Variants in ADCY2 observed in about 807,000 individuals in gnomAD.
The protein encoded by ADCY2 is adenylate cyclase type 2.
In ADCY2, 31 loss-of-function variants were observed where a neutral mutation model predicts 125.2. That is an observed-to-expected ratio of 0.25 (90% CI 0.19 to 0.33). The LOEUF is 0.33. Among genes scored for constraint, ADCY2 ranks in the 10% least tolerant of loss-of-function variants. The pLI, the probability that ADCY2 is intolerant of heterozygous loss-of-function variation, is 1.00. For missense variants in ADCY2, 904 were observed against 1,418.2 expected, an observed-to-expected ratio of 0.64 and a Z score of 5.82; for synonymous variants, 512 against 548.4, an observed-to-expected ratio of 0.93 and a Z score of 0.93.
chr5:7,595,867 A>G (rs1328011565), intron 3 of ADCY2, among the ~76,000 whole-genome samples: 2 of 152,214 alleles, frequency 1.3e-5, no homozygotes, highest in Admixed American at 6.5e-5. Context: ...ATGACAAGAA[A>G]AAGTCTGTAC....
At chr5:7,636,726 T>A (rs1738517903) in intron 4 of ADCY2, among the ~76,000 whole-genome samples, 1 of 152,022 alleles carries the variant, frequency 6.6e-6, no homozygotes, top group Admixed American at 6.6e-5. Flanking sequence ...AAGGTATAAG[T>A]GGGATAGTGG....
intron 3 of ADCY2, among the ~76,000 whole-genome samples, chr5:7,569,544 G>T (rs1436180351): frequency 1.3e-5 from 2 of 152,132 alleles, no homozygotes; most frequent in Non-Finnish European, 2.9e-5. Context: ...TGCCCTAGAG[G>T]TTTATTTAGG....
chr5:7,556,633 G>GACTGGT (rs548831573), intron 3 of ADCY2, among the ~76,000 whole-genome samples: 67 of 152,176 alleles, frequency 4.4e-4, no homozygotes, highest in Non-Finnish European at 8.8e-4. Context: ...CAGGGCTGCA[G>GACTGGT]ACTGGTACTG....
intron 2 of ADCY2, among the ~76,000 whole-genome samples, chr5:7,420,147 G>A (rs1740138561): frequency 6.6e-6 from 1 of 152,160 alleles, no homozygotes; most frequent in Non-Finnish European, 1.5e-5. Flanking sequence ...TCATCTCGCG[G>A]GCAGAAGCTG....
At chr5:7,446,366 TG>T (rs1741249780) in intron 2 of ADCY2, among the ~76,000 whole-genome samples, 1 of 152,308 alleles carries the variant, frequency 6.6e-6, no homozygotes, top group East Asian at 1.9e-4. Context: ...AATTTCATGA[TG>T]TGTGATATCA....
Position 7,727,246 on chromosome 5 carries a change from T to A in ADCY2, c.1856T>A (p.Ile619Asn). ...TTCTTCTGCATCTTCATTGTGCAGA[T>A]TCTCGTGCTGCCAAAGTAAGTACTT... ...LIFFCIFIVQILVLPKTSVLG... is the reference protein window; with the variant it reads ...LIFFCIFIVQNLVLPKTSVLG... Residue 619 changes from isoleucine (I) to asparagine (N), a missense_variant, in exon 14 of 25, where the codon ATT becomes AAT. Physicochemically the swap from Ile to Asn is moderately radical, Grantham distance 149. Around this residue, in one of 7 missense-constraint regions of ADCY2, gnomAD observed 221 missense variants for 246.2 expected, o/e 0.90. Transcript: ENST00000338316. 1.2e-6 allele frequency: 2 copies of A among 1,614,022 alleles called. No homozygotes were observed. Among genetic ancestry groups the A allele is most frequent in the Non-Finnish European group, 1.7e-6 (2 of 1,179,880 alleles).
In ADCY2 at chr5:7,724,553, T is replaced by A; in HGVS notation, c.1712T>A (p.Leu571His). Residue 571 changes from leucine (L) to histidine (H), a missense_variant, in exon 13 of 25, where the codon CTC (leucine) becomes CAC (histidine). Physicochemically the swap from Leu to His is moderately conservative, Grantham distance 99. This residue lies in a region of ADCY2 where 144 missense variants were observed against 227.7 expected (regional missense o/e 0.63). Transcript: ENST00000338316. ...GCCCTTTCTATTTCCAGGCAATGGC[T>A]CAAGTCTGAAGACATTCAGAGAATC... ...IDGINAQKQW[L>H]KSEDIQRISL... is the part of the protein sequence containing the mutation. The A allele has an allele frequency of 1.2e-6, 2 of 1,609,042 alleles. No individual in the cohort carries two copies. Among genetic ancestry groups the A allele is most frequent in the Non-Finnish European group, 1.7e-6 (2 of 1,178,460 alleles).
At chr5:7,767,602 G>A (rs746732296) in intron 17 of ADCY2, among the ~76,000 whole-genome samples, 4 of 152,116 alleles carry the variant, frequency 2.6e-5, no homozygotes, top group South Asian at 2.1e-4. Context: ...TTTTAACTCC[G>A]TTAGCTTTGG....
At chr5:7,710,878 G>C (rs1283342101) in intron 10 of ADCY2, among the ~76,000 whole-genome samples, 1 of 152,138 alleles carries the variant, frequency 6.6e-6, no homozygotes, top group Non-Finnish European at 1.5e-5. Flanking sequence ...CGTGAAAGTA[G>C]AGCCAATAAG....
At chr5:7,762,723 C>T (rs1052233718) in intron 16 of ADCY2, among the ~76,000 whole-genome samples, 1 of 127,340 alleles carries the variant, frequency 7.9e-6, no homozygotes, top group Non-Finnish European at 1.8e-5. Context: ...TGTTTTTCTC[C>T]GTATTTTTTT....
chr5:7,720,879 C>A (rs1741735816), intron 12 of ADCY2, among the ~76,000 whole-genome samples: 1 of 152,150 alleles, frequency 6.6e-6, no homozygotes, highest in Non-Finnish European at 1.5e-5. Context: ...GTCTTTATAG[C>A]AGCATGTTTT....
intron 3 of ADCY2, among the ~76,000 whole-genome samples, chr5:7,541,173 G>T (rs1264396870): frequency 6.6e-6 from 1 of 152,096 alleles, no homozygotes; most frequent in East Asian, 1.9e-4. Context: ...CAGTTTCATG[G>T]GGTCTTAAAA....
chr5:7,599,167 T>C (rs1579615933), intron 3 of ADCY2, among the ~76,000 whole-genome samples: 1 of 151,622 alleles, frequency 6.6e-6, no homozygotes, highest in South Asian at 2.1e-4. Flanking sequence ...TGTGCAGGGA[T>C]AGCCCGGGGC....
intron 2 of ADCY2, among the ~76,000 whole-genome samples, chr5:7,492,573 G>C (rs1743201759): frequency 6.6e-6 from 1 of 152,206 alleles, no homozygotes; most frequent in Non-Finnish European, 1.5e-5. Flanking sequence ...GAATCATCGA[G>C]CTGCCAGATC....
At chr5:7,752,177 G>A (rs115613258) in intron 15 of ADCY2, among the ~76,000 whole-genome samples, 3,387 of 151,792 alleles carry the variant, frequency 0.022, 70 homozygotes, top group South Asian at 0.05. Flanking sequence ...TTGGCATAAA[G>A]AAGTCTTCCT....
chr5:7,653,063 C>A (rs1418855524), intron 4 of ADCY2, among the ~76,000 whole-genome samples: 1 of 152,220 alleles, frequency 6.6e-6, no homozygotes, highest in African/African-American at 2.4e-5. Flanking sequence ...GTTTTGATTT[C>A]CATGAATCTG....
intron 3 of ADCY2, among the ~76,000 whole-genome samples, chr5:7,525,966 G>T (rs1734444082): frequency 6.6e-6 from 1 of 151,966 alleles, no homozygotes; most frequent in Non-Finnish European, 1.5e-5. Flanking sequence ...CCCCTCCCTT[G>T]CCCAGGCTCT....
At chr5:7,414,544 C>A in intron 1 of ADCY2, 29 bp from the exon 2 acceptor site, 1 of 1,577,510 alleles carries the variant, frequency 6.3e-7, no homozygotes, top group Non-Finnish European at 8.6e-7. Context: ...TAAATGGTAA[C>A]TTTTCCATGT....
intron 10 of ADCY2, among the ~76,000 whole-genome samples, chr5:7,712,237 G>T (rs1364672911): frequency 2.0e-5 from 3 of 152,116 alleles, no homozygotes; most frequent in African/African-American, 7.2e-5. Context: ...ATGTGTAAAG[G>T]CAATCTTTCC....
Sources: allele counts gnomAD v4.1 joint callset (sites outside exome capture counted in the v4.1 genomes callset), GRCh38; gene constraint gnomAD v4.1.1; regional missense constraint gnomAD v4.1.1; transcripts MANE v1.5; gene names NCBI Gene and HGNC (gene_info 2026-07-23, HGNC 2026-07-21).